The following SOX5 variants were observed in gnomAD, a reference collection of about 807,000 sequenced individuals.
SOX5 encodes transcription factor SOX-5.
A neutral mutation model predicts 92.0 loss-of-function variants in SOX5; 9 were observed. The observed-to-expected ratio is 0.10, with a 90% CI of 0.06 to 0.17. SOX5 has a LOEUF of 0.17. SOX5 is among the 10% of genes least tolerant of loss of function. The pLI, the probability that SOX5 is intolerant of heterozygous loss-of-function variation, is 1.00. For missense variants in SOX5, 642 were observed against 944.5 expected (o/e 0.68, Z 4.20); for synonymous variants, 344 against 336.3 (o/e 1.02, Z -0.25).
intron 8 of SOX5, among the ~76,000 whole-genome samples, chr12:23,635,695 A>C (rs1228686113): frequency 1.3e-5 from 2 of 152,180 alleles, no homozygotes; most frequent in African/African-American, 4.8e-5. Context: ...AAATAAAAAA[A>C]GGAAGATTAT....
chr12:23,838,569 C>A (rs765677065), intron 3 of SOX5, among the ~76,000 whole-genome samples: 59 of 152,156 alleles, frequency 3.9e-4, no homozygotes, highest in Non-Finnish European at 7.5e-4. Flanking sequence ...ATATTCCAAT[C>A]TTTCATAAAT....
At chr12:23,765,874 C>A (rs1318011098) in intron 3 of SOX5, among the ~76,000 whole-genome samples, 1 of 152,048 alleles carries the variant, frequency 6.6e-6, no homozygotes, top group Non-Finnish European at 1.5e-5. Flanking sequence ...ATTGGGTAAA[C>A]CCCTCCTATG....
At chr12:23,993,903 G>GCA (rs1950793509) in intron 4 of SOX5, among the ~76,000 whole-genome samples, 2 of 151,878 alleles carry the variant, frequency 1.3e-5, no homozygotes, top group African/African-American at 4.8e-5. Context: ...ATGTATGTAT[G>GCA]TATGTATGTA....
At chr12:24,339,007 A>G (rs914965214) in intron 2 of SOX5, among the ~76,000 whole-genome samples, 8 of 152,186 alleles carry the variant, frequency 5.3e-5, no homozygotes, top group African/African-American at 1.9e-4. Flanking sequence ...TGATTTGTCA[A>G]TACTATATGC....
intron 2 of SOX5, among the ~76,000 whole-genome samples, chr12:23,873,212 C>G (rs911848813): frequency 6.6e-6 from 1 of 152,072 alleles, no homozygotes; most frequent in Non-Finnish European, 1.5e-5. Flanking sequence ...TGACTGTAGG[C>G]TGGGCACCGT....
chr12:23,632,687 T>C (rs1037717459), intron 8 of SOX5, among the ~76,000 whole-genome samples: 1 of 152,248 alleles, frequency 6.6e-6, no homozygotes, highest in Non-Finnish European at 1.5e-5. Context: ...TTGATGTTAC[T>C]CTCCATCAGA....
At chr12:23,900,891 C>T (rs1342656040) in intron 1 of SOX5, among the ~76,000 whole-genome samples, 5 of 152,112 alleles carry the variant, frequency 3.3e-5, no homozygotes, top group South Asian at 2.1e-4. Flanking sequence ...ACCTGGGAAG[C>T]GGAGGTTGCA....
chr12:24,218,028 A>T (rs1456610873), intron 3 of SOX5, among the ~76,000 whole-genome samples: 1 of 152,214 alleles, frequency 6.6e-6, no homozygotes, highest in African/African-American at 2.4e-5. Context: ...TTGCTGGTGG[A>T]AATATGAAAT....
intron 2 of SOX5, among the ~76,000 whole-genome samples, chr12:24,332,393 C>G (rs988569383): frequency 1.3e-5 from 2 of 151,946 alleles, no homozygotes; most frequent in African/African-American, 4.8e-5. Flanking sequence ...GGGAAAAGAA[C>G]AATACTTTCA....
At position 24,549,726 on chromosome 12, in the gene SOX5, G is replaced by A. The variant is rs186222058; in HGVS notation, c.-251+12603C>T. Among the ~76,000 whole-genome samples, 429 of 152,340 alleles carry A rather than the reference G, an allele frequency of 2.8e-3. 4 individuals carry two copies. The highest frequency in any genetic ancestry group is 8.9e-3 in the African/African-American group (370 of 41,574). On this transcript the variant is annotated intron_variant, in intron 1 of 4. Coordinates refer to the SOX5 transcript ENST00000446891. ...AAGGTCTCAAACATGAGCCTGAAAA[G>A]ATAGTTGGAGACATTGAAGAAGCTC...
intron 4 of SOX5, among the ~76,000 whole-genome samples, chr12:24,121,885 C>CAAAAAAA (rs900951883): frequency 2.1e-5 from 1 of 48,254 alleles, no homozygotes; most frequent in Non-Finnish European, 3.6e-5. Flanking sequence ...GACTCTATCT[C>CAAAAAAA]AAAAAAAAAA....
rs183145319 is a variant in SOX5 at position 23,744,434 on chromosome 12, A to G, written c.569-3395T>C. Among the ~76,000 whole-genome samples, 17 of 152,266 alleles carry G rather than the reference A, an allele frequency of 1.1e-4. No individual in the cohort carries two copies. The East Asian group carries it at 3.1e-3, about 28-fold the overall frequency. ...CAGTCATAAAATTCAACATGGATAA[A>G]GTGAAACTCACCACTTTCCTGTAAT... On this transcript the variant is annotated intron_variant, in intron 4 of 14. Transcript: ENST00000451604.
intron 6 of SOX5, among the ~76,000 whole-genome samples, chr12:23,729,442 TC>T (rs1351873838): frequency 2.0e-5 from 3 of 152,126 alleles, no homozygotes; most frequent in Middle Eastern, 3.2e-3. Flanking sequence ...GCAACCAAGT[TC>T]CTTCCTACAT....
intron 4 of SOX5, among the ~76,000 whole-genome samples, chr12:24,089,278 G>A (rs1174563215): frequency 1.3e-5 from 2 of 151,972 alleles, no homozygotes; most frequent in Non-Finnish European, 2.9e-5. Flanking sequence ...AACAAAGAAC[G>A]ATTGCTACTC....
chr12:24,464,445 A>G (rs1943998402), intron 1 of SOX5, among the ~76,000 whole-genome samples: 1 of 151,524 alleles, frequency 6.6e-6, no homozygotes, highest in African/African-American at 2.4e-5. Flanking sequence ...GGTTCACGCT[A>G]TTCTCCTGCC....
At chr12:24,333,253 A>C (rs1951530050) in intron 2 of SOX5, among the ~76,000 whole-genome samples, 1 of 152,012 alleles carries the variant, frequency 6.6e-6, no homozygotes, top group African/African-American at 2.4e-5. Context: ...CAAAAAAAGT[A>C]TAGATGATGA....
chr12:24,239,789 T>C (rs1221586049), intron 3 of SOX5, among the ~76,000 whole-genome samples: 1 of 152,202 alleles, frequency 6.6e-6, no homozygotes, highest in African/African-American at 2.4e-5. Context: ...AGAACCAGTA[T>C]AGGGTCTGAA....
intron 8 of SOX5, among the ~76,000 whole-genome samples, chr12:23,633,494 T>C (rs559528865): frequency 1.3e-5 from 2 of 152,156 alleles, no homozygotes; most frequent in Admixed American, 6.5e-5. Flanking sequence ...CATAGATAAG[T>C]AAGCTATATA....
intron 4 of SOX5, among the ~76,000 whole-genome samples, chr12:24,062,030 A>G (rs1054543577): frequency 6.6e-6 from 1 of 152,194 alleles, no homozygotes; most frequent in African/African-American, 2.4e-5. Flanking sequence ...AACAATATTA[A>G]CAAAGTTGCA....
Sources: allele counts gnomAD v4.1 joint callset (sites outside exome capture counted in the v4.1 genomes callset), GRCh38; gene constraint gnomAD v4.1.1; transcripts MANE v1.5; gene names NCBI Gene and HGNC (gene_info 2026-07-23, HGNC 2026-07-21).